Variants in DTD1 observed in about 807,000 individuals in gnomAD.
DTD1 encodes the protein D-tyrosyl-tRNA deacylase 1 homolog.
Under a neutral mutation model 25.6 loss-of-function variants are expected in DTD1, and 13 were observed. The observed-to-expected ratio is 0.51, with a 90% CI of 0.33 to 0.81. The LOEUF (loss-of-function observed/expected upper bound fraction) is 0.81. Among genes scored for constraint, DTD1 ranks in the 30% least tolerant of loss-of-function variants. DTD1 has a pLI of 0.02. For synonymous variants in DTD1, 110 were observed against 103.6 expected (o/e 1.06, Z -0.37); for missense variants, 193 against 266.4 (o/e 0.72, Z 1.92).
chr20:18,694,207 G>A (rs896457274), intron 4 of DTD1, among the ~76,000 whole-genome samples: 1 of 152,240 alleles, frequency 6.6e-6, no homozygotes, highest in African/African-American at 2.4e-5. Flanking sequence ...GGAACAAGGT[G>A]TGAGAAGTGA....
chr20:18,591,840 C>T (rs1323332617), intron 1 of DTD1, among the ~76,000 whole-genome samples: 1 of 152,180 alleles, frequency 6.6e-6, no homozygotes, highest in Non-Finnish European at 1.5e-5. Flanking sequence ...CAATTGTTTA[C>T]TGCCTATGTC....
chr20:18,722,054 C>T (rs1002949655), intron 4 of DTD1, among the ~76,000 whole-genome samples: 10 of 152,236 alleles, frequency 6.6e-5, no homozygotes, highest in Admixed American at 3.3e-4. Flanking sequence ...GGATGCCATT[C>T]GGTCTGTGCT....
rs1321064588 is a variant in DTD1 at position 18,764,085 on chromosome 20, C to T, written c.*745C>T. The stretch of plus-strand genomic sequence containing the variant: ...GGTGGGAGCCTGTCTAGCCAGTTTA[C>T]AATTGATGACATGGTACTTGGAAGT... On this transcript the variant is annotated 3_prime_UTR_variant, in exon 6 of 6. Coordinates refer to ENST00000377452, the MANE Select transcript of DTD1 (RefSeq NM_080820.6). 1 of 152,150 alleles carries T rather than the reference C, an allele frequency of 6.6e-6. No homozygotes were observed. The highest frequency in any genetic ancestry group is 1.5e-5 in the Non-Finnish European group (1 of 68,036). 9.4% of individuals were successfully genotyped at this position (152,150 alleles called of 1,614,324 possible). A position where few individuals can be genotyped will look rare whatever the true frequency, so the allele number is the denominator to read the frequency against.
At chr20:18,632,580 T>TGATAGATAAACACATTGTTTTATAA (rs2060792771) in intron 4 of DTD1, 1 of 985,300 alleles carries the variant, frequency 1.0e-6, no homozygotes, top group African/African-American at 1.7e-5. Flanking sequence ...CACGTGTTTC[T>TGATAGATAAACACATTGTTTTATAA]ATCAATTAAG....
At chr20:18,729,547 T>C (rs2061233470) in intron 4 of DTD1, among the ~76,000 whole-genome samples, 1 of 152,246 alleles carries the variant, frequency 6.6e-6, no homozygotes, top group Admixed American at 6.5e-5. Flanking sequence ...ACATTTGTGA[T>C]CAATAGTGGT....
chr20:18,690,455 T>A (rs1433130664), intron 4 of DTD1, among the ~76,000 whole-genome samples: 1 of 152,224 alleles, frequency 6.6e-6, no homozygotes, highest in Non-Finnish European at 1.5e-5. Flanking sequence ...AGGTTTTTCT[T>A]TCAGTATTTT....
chr20:18,712,195 T>C (rs1250066367), intron 4 of DTD1, among the ~76,000 whole-genome samples: 1 of 152,226 alleles, frequency 6.6e-6, no homozygotes, highest in Non-Finnish European at 1.5e-5. Flanking sequence ...CAGTGTTTCA[T>C]CTTTGTTTTA....
At chr20:18,730,629 T>A (rs937665724) in intron 4 of DTD1, among the ~76,000 whole-genome samples, 1 of 152,242 alleles carries the variant, frequency 6.6e-6, no homozygotes, top group Non-Finnish European at 1.5e-5. Flanking sequence ...TGAATCTGGA[T>A]TTTGGATCCA....
At chr20:18,693,799 C>T (rs1600373292) in intron 4 of DTD1, among the ~76,000 whole-genome samples, 1 of 152,252 alleles carries the variant, frequency 6.6e-6, no homozygotes, top group East Asian at 1.9e-4. Context: ...GTGAGGTATT[C>T]ACAGAGTGGG....
intron 4 of DTD1, among the ~76,000 whole-genome samples, chr20:18,715,985 G>A (rs1161324673): frequency 2.0e-5 from 3 of 152,112 alleles, no homozygotes; most frequent in African/African-American, 7.2e-5. Context: ...ATTTGAGGTT[G>A]GACCCCCTTA....
intron 4 of DTD1, among the ~76,000 whole-genome samples, chr20:18,694,789 A>G (rs1351712178): frequency 2.0e-5 from 3 of 152,190 alleles, no homozygotes; most frequent in Admixed American, 6.5e-5. Context: ...CTAGAAAACA[A>G]TCAAAAGTGT....
rs1056153525 is a variant in DTD1, at chr20:18,765,161, T to A, written c.*1821T>A. The A allele has an allele frequency of 6.6e-6, 1 of 152,036 alleles. No individual in the cohort carries two copies. The highest frequency in any genetic ancestry group is 1.5e-5 in the Non-Finnish European group (1 of 68,048). 9.4% of individuals were successfully genotyped at this position (152,036 alleles called of 1,614,324 possible). On this transcript the variant is annotated 3_prime_UTR_variant, in exon 6 of 6. Coordinates refer to ENST00000377452, the MANE Select transcript of DTD1 (RefSeq NM_080820.6). ...ACCATGTGGTCAAGTTGCTGAAGGG[T>A]CTGAAACCGTAAAGGAAGAGCTGAA...
At chr20:18,735,435 C>T (rs2061251743) in intron 4 of DTD1, among the ~76,000 whole-genome samples, 2 of 152,258 alleles carry the variant, frequency 1.3e-5, no homozygotes, top group African/African-American at 4.8e-5. Flanking sequence ...AGACCTGGTG[C>T]TCCTCCCAGC....
chr20:18,759,877 A>G (rs2061354521), intron 5 of DTD1, among the ~76,000 whole-genome samples: 1 of 152,098 alleles, frequency 6.6e-6, no homozygotes, highest in Non-Finnish European at 1.5e-5. Context: ...TACACCAATC[A>G]GATGTAGATT....
Position 18,661,081 on chromosome 20 carries a change from C to G in DTD1, c.477+32848C>G, listed in dbSNP as rs146698030. The stretch of plus-strand genomic sequence containing the variant: ...TAGACTTGTGTGGTCTGTTTGTGGG[C>G]TCTGTTTTGTTCATTCATCTTTGTG... On this transcript the variant is annotated intron_variant, in intron 4 of 5. Coordinates refer to ENST00000377452, the MANE Select transcript of DTD1 (RefSeq NM_080820.6). 5.0e-3 allele frequency among the ~76,000 whole-genome samples: 755 copies of G among 152,270 alleles called. 7 individuals carry two copies. The highest frequency in any genetic ancestry group is 0.018 in the African/African-American group (734 of 41,536).
At chr20:18,647,369 C>G (rs1459682172) in intron 4 of DTD1, among the ~76,000 whole-genome samples, 1 of 152,132 alleles carries the variant, frequency 6.6e-6, no homozygotes, top group Admixed American at 6.5e-5. Flanking sequence ...ATGGAAGTCA[C>G]ATTGGGGCAG....
At chr20:18,659,213 G>A (rs1381965811) in intron 4 of DTD1, among the ~76,000 whole-genome samples, 2 of 152,166 alleles carry the variant, frequency 1.3e-5, no homozygotes, top group Admixed American at 6.5e-5. Flanking sequence ...TTTCTGGGAC[G>A]TAGTCTGATG....
chr20:18,736,791 T>A (rs1372663954), intron 4 of DTD1, among the ~76,000 whole-genome samples: 2 of 152,188 alleles, frequency 1.3e-5, no homozygotes, highest in African/African-American at 4.8e-5. Flanking sequence ...GAAGAGTTGT[T>A]CAGTTTTGCT....
chr20:18,709,406 T>A (rs2061149372), intron 4 of DTD1, among the ~76,000 whole-genome samples: 1 of 152,190 alleles, frequency 6.6e-6, no homozygotes, highest in Non-Finnish European at 1.5e-5. Context: ...CCCTCCCTCA[T>A]GGTCATTATT....
Sources: allele counts gnomAD v4.1 joint callset (sites outside exome capture counted in the v4.1 genomes callset), GRCh38; gene constraint gnomAD v4.1.1; transcripts MANE v1.5; gene names NCBI Gene and HGNC (gene_info 2026-07-23, HGNC 2026-07-21).